VSIG10: variants seen among roughly 807,000 people sequenced by gnomAD.
VSIG10 encodes the protein V-set and immunoglobulin domain containing 10.
In VSIG10, 48 loss-of-function variants were observed where a neutral mutation model predicts 58.7. The ratio of observed to expected loss-of-function variants is 0.82; its 90% CI spans 0.65 to 1.04. The LOEUF is 1.04. VSIG10 is among the 50% of genes least tolerant of loss of function. The pLI, the probability that VSIG10 is intolerant of heterozygous loss-of-function variation, is 0.00. For synonymous variants in VSIG10, 260 were observed against 267.1 expected (o/e 0.97, Z 0.26); for missense variants, 628 against 670.0 (o/e 0.94, Z 0.69).
At chr12:118,092,581 T>A (rs982533406) in intron 2 of VSIG10, among the ~76,000 whole-genome samples, 1 of 152,012 alleles carries the variant, frequency 6.6e-6, no homozygotes, top group Non-Finnish European at 1.5e-5. Context: ...TATATTCCAA[T>A]AAAACTTTAT....
chr12:118,066,730 C>T (rs770703940), intron 8 of VSIG10, 36 bp from the exon 9 acceptor site: 38 of 1,553,116 alleles, frequency 2.4e-5, no homozygotes, highest in Non-Finnish European at 3.3e-5. Context: ...GCTTTGTAAT[C>T]AGAGTGTGAT....
intron 1 of VSIG10, among the ~76,000 whole-genome samples, chr12:118,096,293 T>C (rs1170984774): frequency 2.0e-5 from 3 of 151,394 alleles, no homozygotes; most frequent in Non-Finnish European, 2.9e-5. Flanking sequence ...ATACAAAAAA[T>C]TGTGGCCGGG....
At chr12:118,075,130 ATATATGTATATATGTG>A (rs934611388) in intron 4 of VSIG10, among the ~76,000 whole-genome samples, 2 of 141,114 alleles carry the variant, frequency 1.4e-5, no homozygotes, top group African/African-American at 5.4e-5. Context: ...ATATATGTGT[ATATATGTATATATGTG>A]TATATGTATA....
chr12:118,082,442 G>A lies in VSIG10; in HGVS notation c.362-13C>T. On this transcript the variant is annotated splice_polypyrimidine_tract_variant and intron_variant, in intron 2 of 8. Transcript: ENST00000359236. ...TGATAGGGGCCGCCTGGGGATGACA[G>A]GGGGAATAGGATGGCATTAATTATG... is the stretch of plus-strand genomic sequence containing the variant. The A allele has an allele frequency of 1.2e-6, 2 of 1,601,500 alleles. No homozygotes were observed. Among genetic ancestry groups the A allele is most frequent in the South Asian group, 1.1e-5 (1 of 90,732 alleles).
At chr12:118,071,543 G>A (rs1239970816) in intron 5 of VSIG10, 74 bp from the exon 6 acceptor site, 7 of 1,334,118 alleles carry the variant, frequency 5.2e-6, no homozygotes, top group South Asian at 2.4e-5. Flanking sequence ...CCCTTTCTCT[G>A]CGTGGATCCA....
At chr12:118,082,477 A>G in intron 2 of VSIG10, 48 bp from the exon 3 acceptor site, 3 of 1,544,684 alleles carry the variant, frequency 1.9e-6, no homozygotes, top group Non-Finnish European at 1.8e-6. Context: ...GTAAGAGCTC[A>G]TTCGATTGCC....
chr12:118,092,690 A>C (rs1289821402), intron 2 of VSIG10, among the ~76,000 whole-genome samples: 2 of 144,374 alleles, frequency 1.4e-5, no homozygotes, highest in Admixed American at 7.2e-5. Context: ...GCTGGAATGC[A>C]GTGGCGTGAT....
In VSIG10 at chr12:118,103,638, C is replaced by G; in HGVS notation, c.34G>C (p.Val12Leu). 6.6e-7 allele frequency: 1 copy of G among 1,508,974 alleles called. No individual in the cohort carries two copies. The highest frequency in any genetic ancestry group is 8.8e-7 in the Non-Finnish European group (1 of 1,134,736). The allele number at this position is 1,508,974 out of a possible 1,614,324, so 93.5% of individuals were successfully genotyped here. Residue 12 changes from valine to leucine, a missense_variant, in exon 1 of 9, where the codon GTC (valine) becomes CTC (leucine). Transcript: ENST00000359236. ...AGGAGCGCCCCGAGGCAGACGAGGA[C>G]GCGGGGCTCGGGCGCACTGCCGCCT... ...AAGGSAPEPRVLVCLGALLAG... is the reference protein window; with the variant it reads ...AAGGSAPEPRLLVCLGALLAG...
chr12:118,074,045 G>A, intron 4 of VSIG10, 53 bp from the exon 5 acceptor site: 2 of 1,502,362 alleles, frequency 1.3e-6, no homozygotes, highest in Admixed American at 4.6e-5. Context: ...TCAAGTCATG[G>A]CCTGAGATCT....
In VSIG10 at chr12:118,078,673, G is replaced by A. The variant is rs535882378; in HGVS notation, c.925+673C>T. Among the ~76,000 whole-genome samples the A allele has an allele frequency of 3.3e-5, 5 of 151,952 alleles. No homozygotes were observed. In the East Asian group the frequency reaches 5.8e-4, roughly 18 times the overall value. On this transcript the variant is annotated intron_variant, in intron 4 of 8. Transcript: ENST00000359236. Reference sequence around the variant, plus strand: ...AAAGTAATTTTCAGCTAGGTGCGGTGGCTCACACCTATAATCCCAGCACTT... The same window carrying A: ...AAAGTAATTTTCAGCTAGGTGCGGTAGCTCACACCTATAATCCCAGCACTT...
At position 118,071,049 on chromosome 12, in the gene VSIG10, C is replaced by CA. The variant is rs1346116439; in HGVS notation, c.1346+2dup. 1.9e-6 allele frequency: 3 copies of CA among 1,601,422 alleles called. No homozygotes were observed. The highest frequency in any genetic ancestry group is 2.6e-6 in the Non-Finnish European group (3 of 1,173,742). On this transcript the variant is annotated splice_region_variant and intron_variant, in intron 7 of 8. Coordinates refer to ENST00000359236, the MANE Select transcript of VSIG10 (RefSeq NM_019086.6). The stretch of plus-strand genomic sequence containing the variant: ...GTTTGGTTTGATTCTAGGGAACACT[C>CA]ACCTGGAAGTGTTTCCTACTGAAGA...
At chr12:118,099,054 T>C (rs2033554152) in intron 1 of VSIG10, among the ~76,000 whole-genome samples, 1 of 151,596 alleles carries the variant, frequency 6.6e-6, no homozygotes, top group Non-Finnish European at 1.5e-5. Flanking sequence ...ATCTGTGTGT[T>C]AGCGAGCCCT....
At chr12:118,095,493 G>T in intron 2 of VSIG10, 40 bp downstream of exon 2, 1 of 1,608,098 alleles carries the variant, frequency 6.2e-7, no homozygotes, top group South Asian at 1.1e-5. Flanking sequence ...CCAAGGCTCC[G>T]AGCACCTCTC....
intron 4 of VSIG10, among the ~76,000 whole-genome samples, chr12:118,074,857 A>G (rs1050225926): frequency 6.6e-6 from 1 of 152,108 alleles, no homozygotes; most frequent in South Asian, 2.1e-4. Flanking sequence ...TAAACTGCAC[A>G]TTGTTCTGAG....
intron 2 of VSIG10, among the ~76,000 whole-genome samples, chr12:118,093,979 G>C (rs1222621120): frequency 2.0e-5 from 3 of 152,116 alleles, no homozygotes; most frequent in African/African-American, 7.2e-5. Flanking sequence ...AGCAGGCAAT[G>C]TATTATCCCC....
intron 7 of VSIG10, among the ~76,000 whole-genome samples, chr12:118,070,708 G>C (rs1198855390): frequency 6.6e-6 from 1 of 152,134 alleles, no homozygotes; most frequent in Non-Finnish European, 1.5e-5. Flanking sequence ...GACCTGCAAT[G>C]TGTCCAGCCC....
intron 2 of VSIG10, among the ~76,000 whole-genome samples, chr12:118,085,400 G>A (rs560484026): frequency 5.9e-5 from 9 of 152,306 alleles, no homozygotes; most frequent in African/African-American, 2.2e-4. Context: ...GTGCGAGCTG[G>A]TTCCATTGTT....
Position 118,068,209 on chromosome 12 carries a change from TTTTTTCG to T in VSIG10, c.1567+161_1567+167del, listed in dbSNP as rs546905979. ...GCTAATTTTTCTTTTTTTTTTTTTT[TTTTTTCG>T]TAGAGACAGAGTCTCACCATGTTGC... is the stretch of plus-strand genomic sequence containing the variant. On this transcript the variant is annotated intron_variant, in intron 8 of 8. Transcript: ENST00000359236. Among the ~76,000 whole-genome samples, 754 of 147,972 alleles carry T rather than the reference TTTTTTCG, an allele frequency of 5.1e-3. 7 individuals are homozygous for T. Among genetic ancestry groups the T allele is most frequent in the African/African-American group, 0.017 (693 of 40,374 alleles).
chr12:118,070,633 TAAATA>T (rs2032454236), intron 7 of VSIG10, among the ~76,000 whole-genome samples: 2 of 151,822 alleles, frequency 1.3e-5, no homozygotes, highest in South Asian at 2.1e-4. Flanking sequence ...TTTAGAAAAT[TAAATA>T]AAACAAATGC....
Sources: gnomAD v4.1 joint callset for allele counts (sites outside exome capture counted in the v4.1 genomes callset) on GRCh38, gnomAD v4.1.1 for gene constraint, MANE v1.5 for transcripts, NCBI Gene and HGNC (gene_info 2026-07-23, HGNC 2026-07-21) for gene names.